Variants in KREMEN1 observed in about 807,000 individuals in gnomAD.
The protein encoded by KREMEN1 is kringle containing transmembrane protein 1.
KREMEN1 carries 30 observed loss-of-function variants against 46.5 expected under a neutral mutation model. That is an observed-to-expected ratio of 0.65 (90% CI 0.48 to 0.88). KREMEN1 has a LOEUF of 0.88. KREMEN1 is among the 40% of genes least tolerant of loss of function. KREMEN1 has a pLI of 0.00. For missense variants in KREMEN1, 533 were observed against 596.9 expected (o/e 0.89, Z 1.11); for synonymous variants, 214 against 230.6 (o/e 0.93, Z 0.65).
At chr22:29,156,081 T>G (rs1045810436) in intron 9 of KREMEN1, among the ~76,000 whole-genome samples, 4 of 152,224 alleles carry the variant, frequency 2.6e-5, no homozygotes, top group South Asian at 2.1e-4. Flanking sequence ...CAGCACGCAC[T>G]AGGAGCACTG....
At chr22:29,155,510 G>A (rs1241215628) in intron 9 of KREMEN1, among the ~76,000 whole-genome samples, 1 of 152,168 alleles carries the variant, frequency 6.6e-6, no homozygotes, top group Non-Finnish European at 1.5e-5. Flanking sequence ...ACTCCAGCCT[G>A]GGCAACAGAG....
chr22:29,139,044 C>T (rs768955923), intron 7 of KREMEN1, among the ~76,000 whole-genome samples: 8 of 152,298 alleles, frequency 5.3e-5, no homozygotes, highest in Non-Finnish European at 1.0e-4. Context: ...CAGCTAATCC[C>T]GTATTTTCCC....
Position 29,144,037 on chromosome 22 carries a change from G to C in KREMEN1, c.*1925G>C. On this transcript the variant is annotated 3_prime_UTR_variant, in exon 9 of 9. Transcript: ENST00000400335. ...TAAAAGTCCTTGCCATCTGGAATCAGGCTTTGTCAACAGCAGCTGAGAAAA... is the reference window on the plus strand; with the variant it reads ...TAAAAGTCCTTGCCATCTGGAATCACGCTTTGTCAACAGCAGCTGAGAAAA... The C allele has an allele frequency of 1.0e-6, 1 of 985,602 alleles. No homozygotes were observed. Among genetic ancestry groups the C allele is most frequent in the Non-Finnish European group, 1.2e-6 (1 of 830,042 alleles). 61.1% of individuals were successfully genotyped at this position (985,602 alleles called of 1,614,324 possible).
Position 29,110,811 on chromosome 22 carries a change from C to T in KREMEN1, c.353-10546C>T, listed in dbSNP as rs374147576. Among the ~76,000 whole-genome samples, 5 of 152,250 alleles carry T rather than the reference C, an allele frequency of 3.3e-5. No homozygotes were observed. In the East Asian group the frequency reaches 7.7e-4, roughly 24 times the overall value. On this transcript the variant is annotated intron_variant, in intron 3 of 8. Coordinates refer to ENST00000400335, the MANE Select transcript of KREMEN1 (RefSeq NM_001039570.3). ...AAGATGGCAGCTGTCAGATTTGGAA[C>T]GGAAGTTGCAGATGAACAGCACAGG...
At chr22:29,148,152 C>A (rs1197067569), downstream of KREMEN1, among the ~76,000 whole-genome samples, 1 of 152,144 alleles carries the variant, frequency 6.6e-6, no homozygotes, top group Non-Finnish European at 1.5e-5. Context: ...CTGATGAGTT[C>A]TTTTGGGCTA....
intron 9 of KREMEN1, among the ~76,000 whole-genome samples, chr22:29,165,401 C>CA (rs796435316): frequency 1.7e-3 from 189 of 111,042 alleles, no homozygotes; most frequent in Admixed American, 2.9e-3. Flanking sequence ...GAGCCTGTCA[C>CA]AAAAAAAAAA....
At chr22:29,106,378 G>A (rs1342934082) in intron 3 of KREMEN1, among the ~76,000 whole-genome samples, 2 of 150,280 alleles carry the variant, frequency 1.3e-5, no homozygotes, top group African/African-American at 2.5e-5. Context: ...CCGCCATCAC[G>A]CCCAGCTAAT....
intron 3 of KREMEN1, among the ~76,000 whole-genome samples, 167 bp from the exon 4 acceptor site, chr22:29,121,190 A>G (rs1246080120): frequency 6.6e-6 from 1 of 152,032 alleles, no homozygotes; most frequent in African/African-American, 2.4e-5. Flanking sequence ...GGTTTTTAGC[A>G]GAGGACACTA....
At position 29,143,627 on chromosome 22, in the gene KREMEN1, A is replaced by C; in HGVS notation, c.*1515A>C. The C allele has an allele frequency of 1.5e-6, 1 of 667,666 alleles. No individual in the cohort carries two copies. Among genetic ancestry groups the C allele is most frequent in the South Asian group, 6.7e-5 (1 of 14,952 alleles). 41.4% of individuals were successfully genotyped at this position (667,666 alleles called of 1,614,324 possible). On this transcript the variant is annotated 3_prime_UTR_variant, in exon 9 of 9. Transcript: ENST00000400335. Reference sequence around the variant, plus strand: ...TGTGGTGGTGGGCGCCTGTAGTCCCAGCTGCTCGGGAGGCTGAGGCAGGAG... The same window carrying C: ...TGTGGTGGTGGGCGCCTGTAGTCCCCGCTGCTCGGGAGGCTGAGGCAGGAG...
chr22:29,096,993 T>A (rs1196842702), intron 2 of KREMEN1, among the ~76,000 whole-genome samples: 2 of 152,240 alleles, frequency 1.3e-5, no homozygotes, highest in Non-Finnish European at 2.9e-5. Context: ...TCAAAGTAAC[T>A]GGCTTAGAAG....
intron 3 of KREMEN1, among the ~76,000 whole-genome samples, chr22:29,109,457 G>A (rs1329822163): frequency 6.6e-6 from 1 of 152,224 alleles, no homozygotes; most frequent in Non-Finnish European, 1.5e-5. Context: ...GTAGAGTGTT[G>A]TGAGTTTCTG....
chr22:29,082,516 G>A (rs1351350177), intron 1 of KREMEN1, among the ~76,000 whole-genome samples: 9 of 152,202 alleles, frequency 5.9e-5, no homozygotes, highest in African/African-American at 1.2e-4. Context: ...GGAATACATT[G>A]GTGAGGAAAC....
At chr22:29,074,161 G>A (rs2037527983) in intron 1 of KREMEN1, among the ~76,000 whole-genome samples, 1 of 152,276 alleles carries the variant, frequency 6.6e-6, no homozygotes, top group Admixed American at 6.5e-5. Context: ...GGATGGACTT[G>A]TTCGCCCTGC....
At chr22:29,102,021 A>T (rs143574965) in intron 3 of KREMEN1, among the ~76,000 whole-genome samples, 1 of 152,240 alleles carries the variant, frequency 6.6e-6, no homozygotes, top group Non-Finnish European at 1.5e-5. Flanking sequence ...AATGTATTTT[A>T]AAATATGCCA....
rs368944943 is a variant in KREMEN1 at position 29,166,944 on chromosome 22, A to G, written c.1417-100A>G. The G allele has an allele frequency of 1.3e-5, 13 of 977,398 alleles. No homozygotes were observed. In the East Asian group the frequency reaches 3.2e-4, roughly 24 times the overall value. 60.5% of individuals were successfully genotyped at this position (977,398 alleles called of 1,614,324 possible). A position where few individuals can be genotyped will look rare whatever the true frequency, so the allele number is the denominator to read the frequency against. On this transcript the variant is annotated intron_variant, in intron 9 of 9. Transcript: ENST00000327813. Reference sequence around the variant, plus strand: ...TGAGGCCCTGTCTCAAAAACAAAACAAAAGAGACCAAAATCAGTCAAATGC... The same window carrying G: ...TGAGGCCCTGTCTCAAAAACAAAACGAAAGAGACCAAAATCAGTCAAATGC...
chr22:29,157,589 C>T (rs972387025), intron 9 of KREMEN1, among the ~76,000 whole-genome samples: 13 of 152,170 alleles, frequency 8.5e-5, no homozygotes, highest in African/African-American at 1.9e-4. Flanking sequence ...CCACCTGCCT[C>T]GGCCTCCCAA....
intron 9 of KREMEN1, among the ~76,000 whole-genome samples, chr22:29,164,962 C>A (rs959580764): frequency 2.0e-5 from 3 of 151,772 alleles, no homozygotes; most frequent in Non-Finnish European, 4.4e-5. Flanking sequence ...ATCACAAAGT[C>A]AGGGGTTCTA....
In KREMEN1 at chr22:29,136,213, C is replaced by T. The variant is rs146503644; in HGVS notation, c.632-1129C>T. Among the ~76,000 whole-genome samples, 1,093 of 151,708 alleles carry T rather than the reference C, an allele frequency of 7.2e-3. 11 individuals are homozygous for T. The highest frequency in any genetic ancestry group is 0.024 in the African/African-American group (1,005 of 41,434). ...CTGGGATTACAGGCGTGAGCCACCG[C>T]GCCCGGACTGCTTGTTGTTTTCTAC... On this transcript the variant is annotated intron_variant, in intron 5 of 8. Coordinates refer to ENST00000400335, the MANE Select transcript of KREMEN1 (RefSeq NM_001039570.3).
intron 1 of KREMEN1, among the ~76,000 whole-genome samples, chr22:29,081,037 G>T (rs1412427992): frequency 7.0e-6 from 1 of 143,596 alleles, no homozygotes; most frequent in African/African-American, 2.6e-5. Flanking sequence ...TGTGCACAAC[G>T]TGCAGGTTAG....
Sources: allele counts gnomAD v4.1 joint callset (sites outside exome capture counted in the v4.1 genomes callset), GRCh38; gene constraint gnomAD v4.1.1; transcripts MANE v1.5; gene names NCBI Gene and HGNC (gene_info 2026-07-23, HGNC 2026-07-21).